Variants in ALLC observed in about 807,000 individuals in gnomAD.
ALLC encodes the protein allantoicase.
A neutral mutation model predicts 45.0 loss-of-function variants in ALLC; 40 were observed. The ratio of observed to expected loss-of-function variants is 0.89; its 90% CI spans 0.69 to 1.16. The LOEUF is 1.16. Among genes scored for constraint, ALLC ranks in the 50% most tolerant of loss-of-function variants. The probability of loss-of-function intolerance (pLI) is 0.00; values close to 1 mark genes in which losing one functional copy is unlikely to be tolerated. For synonymous variants in ALLC, 176 were observed against 178.1 expected (o/e 0.99, Z 0.09); for missense variants, 488 against 493.1 (o/e 0.99, Z 0.10).
intron 1 of ALLC, among the ~76,000 whole-genome samples, chr2:3,668,566 CTTTTTTTTTTTTT>C (rs1173613810): frequency 1.4e-4 from 10 of 71,886 alleles, no homozygotes; most frequent in African/African-American, 4.4e-4. Context: ...ATGTGTATGA[CTTTTTTTTTTTTT>C]TTTTTTTTTT....
chr2:3,664,322 G>T (rs1666642587), intron 1 of ALLC, among the ~76,000 whole-genome samples: 1 of 152,198 alleles, frequency 6.6e-6, no homozygotes, highest in South Asian at 2.1e-4. Flanking sequence ...GGGTCTGTTT[G>T]TTTTGCGTTT....
chr2:3,695,563 TG>T, intron 7 of ALLC, 153 bp from the exon 8 acceptor site: 1 of 746,320 alleles, frequency 1.3e-6, no homozygotes, highest in Non-Finnish European at 2.2e-6. Context: ...GCAAAGGCCC[TG>T]GGGCAGTGGG....
the ALLC span, among the ~76,000 whole-genome samples, chr2:3,649,531 G>A: frequency 2.6e-5 from 4 of 152,214 alleles, no homozygotes; most frequent in African/African-American, 9.7e-5. Flanking sequence ...GTGAGCCACC[G>A]CGCCCGGCCC....
At chr2:3,692,522 T>C (rs1330529951) in intron 7 of ALLC, among the ~76,000 whole-genome samples, 3 of 152,226 alleles carry the variant, frequency 2.0e-5, no homozygotes, top group Non-Finnish European at 4.4e-5. Context: ...CTGTTGATTT[T>C]ATTTCCTGCT....
chr2:3,652,327 C>G, the ALLC span, among the ~76,000 whole-genome samples: 8,015 of 152,302 alleles, frequency 0.053, 321 homozygotes, highest in East Asian at 0.2. Flanking sequence ...ACCTAGAGCT[C>G]GGGGCCATTT....
In ALLC at chr2:3,697,473, A is replaced by C; in HGVS notation, c.850+17A>C. 1 of 1,589,902 alleles carries C rather than the reference A, an allele frequency of 6.3e-7. No homozygotes were observed. The highest frequency in any genetic ancestry group is 1.1e-5 in the South Asian group (1 of 90,552). On this transcript the variant is annotated intron_variant, in intron 10 of 11. Coordinates refer to ENST00000252505, the MANE Select transcript of ALLC (RefSeq NM_018436.4). ...ATTTTGAAGGTAAATGCAAAGCCAT[A>C]AAGAAGTACCCTATAATTGGTTTGT...
At chr2:3,664,755 C>T (rs768968360) in intron 1 of ALLC, among the ~76,000 whole-genome samples, 15 of 151,906 alleles carry the variant, frequency 9.9e-5, no homozygotes, top group Middle Eastern at 3.4e-3. Context: ...TGTGGTGGTG[C>T]GCACCTGTAA....
At chr2:3,700,448 T>TA (rs1667795313) in intron 10 of ALLC, among the ~76,000 whole-genome samples, 1 of 152,220 alleles carries the variant, frequency 6.6e-6, no homozygotes, top group Admixed American at 6.5e-5. Flanking sequence ...TAAAATAACT[T>TA]ACTTATTTTT....
At position 3,671,203 on chromosome 2, in the gene ALLC, C is replaced by T; in HGVS notation, c.33+13C>T. On this transcript the variant is annotated intron_variant, in intron 2 of 11. Coordinates refer to ENST00000252505, the MANE Select transcript of ALLC (RefSeq NM_018436.4). ...CGTAGGAGGAAAAGTAAGTGGGTCT[C>T]TCATGGCCAAACAAGGGTTGAAGGC... 6.2e-7 allele frequency: 1 copy of T among 1,608,620 alleles called. No individual in the cohort carries two copies. Among genetic ancestry groups the T allele is most frequent in the Non-Finnish European group, 8.5e-7 (1 of 1,177,646 alleles).
At chr2:3,672,070 T>C (rs1206051964) in intron 2 of ALLC, among the ~76,000 whole-genome samples, 3 of 113,006 alleles carry the variant, frequency 2.7e-5, no homozygotes, top group East Asian at 2.4e-4. Context: ...TCTGGTTAGA[T>C]GGGAGGTCCT....
At chr2:3,671,863 G>T (rs1268719664) in intron 2 of ALLC, among the ~76,000 whole-genome samples, 3 of 107,648 alleles carry the variant, frequency 2.8e-5, no homozygotes, top group African/African-American at 7.8e-5. Context: ...CTGGTTAGAT[G>T]GGAGGTCCTC....
intron 7 of ALLC, among the ~76,000 whole-genome samples, chr2:3,687,622 T>G (rs1378698581): frequency 6.6e-6 from 1 of 151,072 alleles, no homozygotes; most frequent in African/African-American, 2.4e-5. Flanking sequence ...CATCATTCAT[T>G]ATTGGTTTAT....
the ALLC span, among the ~76,000 whole-genome samples, chr2:3,648,724 C>T: frequency 5.9e-5 from 9 of 152,228 alleles, no homozygotes; most frequent in African/African-American, 1.9e-4. Flanking sequence ...AACACCAACC[C>T]CTGTCCTCCT....
chr2:3,666,672 C>T (rs563965765), intron 1 of ALLC, among the ~76,000 whole-genome samples: 1 of 152,366 alleles, frequency 6.6e-6, no homozygotes, highest in Admixed American at 6.5e-5. Flanking sequence ...TTGATGAGCA[C>T]GCCGCGATGC....
At chr2:3,667,807 C>G (rs1158023694) in intron 1 of ALLC, among the ~76,000 whole-genome samples, 1 of 152,174 alleles carries the variant, frequency 6.6e-6, no homozygotes, top group Non-Finnish European at 1.5e-5. Flanking sequence ...TTTTGTTGCC[C>G]AGGCTGGAGT....
chr2:3,653,671 C>T (rs1298028900), upstream of ALLC, among the ~76,000 whole-genome samples: 3 of 152,136 alleles, frequency 2.0e-5, no homozygotes, highest in African/African-American at 7.2e-5. This position sits in a 1 kb window ranked among gnomAD's most constrained non-coding sequence, Gnocchi z 4.1. Flanking sequence ...TGCCAGACCA[C>T]ACCGAGATGC....
At chr2:3,676,855 T>A (rs1244523815) in intron 3 of ALLC, among the ~76,000 whole-genome samples, 1 of 151,970 alleles carries the variant, frequency 6.6e-6, no homozygotes, top group Non-Finnish European at 1.5e-5. Flanking sequence ...TGGCATGATC[T>A]CGGCTCACCA....
upstream of ALLC, among the ~76,000 whole-genome samples, chr2:3,655,454 AGTTT>A (rs151207471): frequency 5.7e-3 from 864 of 152,222 alleles, 9 homozygotes; most frequent in African/African-American, 0.02. Context: ...AGGAATGACT[AGTTT>A]GTTTGTTTGT....
At chr2:3,698,393 G>A (rs542319948) in intron 10 of ALLC, among the ~76,000 whole-genome samples, 71 of 152,320 alleles carry the variant, frequency 4.7e-4, no homozygotes, top group Non-Finnish European at 8.5e-4. Flanking sequence ...TGGAAAAAGA[G>A]CCTGTGAAAA....
Sources: gnomAD v4.1 joint callset for allele counts (sites outside exome capture counted in the v4.1 genomes callset) on GRCh38, gnomAD v4.1.1 for gene constraint, Gnocchi (gnomAD v3.1) non-coding constraint, MANE v1.5 for transcripts, NCBI Gene and HGNC (gene_info 2026-07-23, HGNC 2026-07-21) for gene names.